TAF13: variants seen among roughly 807,000 people sequenced by gnomAD.
TAF13 encodes the protein TATA-box binding protein associated factor 13, also known as transcription initiation factor TFIID subunit 13.
Under a neutral mutation model 18.7 loss-of-function variants are expected in TAF13, and 9 were observed. The observed-to-expected ratio is 0.48, with a 90% confidence interval of 0.29 to 0.84. The LOEUF (loss-of-function observed/expected upper bound fraction) is 0.84, where lower values mean the gene tolerates loss of function less well. Among genes scored for constraint, TAF13 ranks in the 40% least tolerant of loss-of-function variants. The probability of loss-of-function intolerance (pLI) is 0.08; values close to 1 mark genes in which losing one functional copy is unlikely to be tolerated. For missense variants in TAF13, 105 were observed against 146.5 expected (o/e 0.72, Z 1.46); for synonymous variants, 49 against 44.1 (o/e 1.11, Z -0.44).
In TAF13 at chr1:109,064,710, T is replaced by C. The variant is rs1170242478; in HGVS notation, c.205-17A>G. 3.5e-6 allele frequency: 5 copies of C among 1,422,184 alleles called. No homozygotes were observed. The highest frequency in any genetic ancestry group is 3.4e-5 in the South Asian group (2 of 58,926). 88.1% of individuals were successfully genotyped at this position (1,422,184 alleles called of 1,614,324 possible). ...CTTGTGAGTCTATTACAAAGAAACA[T>C]ATTACATTTAACTTTTTTAAATCTA... is the stretch of plus-strand genomic sequence containing the variant. On this transcript the variant is annotated splice_polypyrimidine_tract_variant and intron_variant, in intron 3 of 3. Coordinates refer to ENST00000338366, the MANE Select transcript of TAF13 (RefSeq NM_005645.4).
chr1:109,065,649 G>A (rs1025577307), intron 3 of TAF13, among the ~76,000 whole-genome samples: 44 of 152,122 alleles, frequency 2.9e-4, no homozygotes, highest in African/African-American at 9.9e-4. Flanking sequence ...GAGGCTGGGC[G>A]CGTTGGCTCA....
At chr1:109,065,003 ATAATTTTG>A (rs1442296698) in intron 3 of TAF13, among the ~76,000 whole-genome samples, 3 of 152,050 alleles carry the variant, frequency 2.0e-5, no homozygotes, top group African/African-American at 4.8e-5. Context: ...AAATAATTTT[ATAATTTTG>A]TGTACCCACC....
chr1:109,072,125 T>C (rs1237251215), intron 2 of TAF13, among the ~76,000 whole-genome samples: 3 of 121,448 alleles, frequency 2.5e-5, no homozygotes, highest in African/African-American at 9.4e-5. Flanking sequence ...TACACACATA[T>C]ATATATATAT....
chr1:109,074,278 C>A (rs967964849), intron 2 of TAF13, among the ~76,000 whole-genome samples: 1 of 152,168 alleles, frequency 6.6e-6, no homozygotes, highest in Admixed American at 6.5e-5. Flanking sequence ...AACCTTACCC[C>A]CAACCCCGTG....
intron 2 of TAF13, among the ~76,000 whole-genome samples, chr1:109,068,642 C>A (rs533099753): frequency 6.6e-6 from 1 of 152,116 alleles, no homozygotes; most frequent in Non-Finnish European, 1.5e-5. Flanking sequence ...GCCACCACAC[C>A]CAGCTGAGAT....
intron 3 of TAF13, among the ~76,000 whole-genome samples, chr1:109,065,149 T>C (rs1260346054): frequency 2.6e-5 from 4 of 152,146 alleles, no homozygotes; most frequent in Non-Finnish European, 5.9e-5. Flanking sequence ...CAAAGACCTA[T>C]CACAGCATTA....
Position 109,065,292 on chromosome 1 carries a change from C to G in TAF13, c.205-599G>C, listed in dbSNP as rs568440579. On this transcript the variant is annotated intron_variant, in intron 3 of 3. Coordinates refer to ENST00000338366, the MANE Select transcript of TAF13 (RefSeq NM_005645.4). ...TTGCTTGAACCCAGCAGTTCAAGAC[C>G]AACCTGGGCAACATAGTGAGACCCT... is the stretch of plus-strand genomic sequence containing the variant. Among the ~76,000 whole-genome samples, 27 of 152,104 alleles carry G rather than the reference C, an allele frequency of 1.8e-4. No homozygotes were observed. The South Asian group carries it at 5.2e-3, about 29-fold the overall frequency.
At chr1:109,071,169 G>A (rs192422271) in intron 2 of TAF13, among the ~76,000 whole-genome samples, 67 of 152,110 alleles carry the variant, frequency 4.4e-4, no homozygotes, top group African/African-American at 1.6e-3. Context: ...GGCCAGGCAC[G>A]GTGGCTCACG....
At chr1:109,065,275 A>G (rs1386462209) in intron 3 of TAF13, among the ~76,000 whole-genome samples, 1 of 152,018 alleles carries the variant, frequency 6.6e-6, no homozygotes, top group East Asian at 1.9e-4. Context: ...GATTGCTTGA[A>G]CCCAGCAGTT....
chr1:109,067,644 C>G (rs1001926963), intron 2 of TAF13, among the ~76,000 whole-genome samples: 18 of 151,916 alleles, frequency 1.2e-4, no homozygotes, highest in African/African-American at 4.1e-4. Flanking sequence ...GACTGTGTCT[C>G]AAAAATAATA....
chr1:109,066,964 G>A (rs951056312), intron 2 of TAF13, among the ~76,000 whole-genome samples: 3 of 151,936 alleles, frequency 2.0e-5, no homozygotes, highest in African/African-American at 4.8e-5. Context: ...GGTGATCTGC[G>A]TGCCTCAGCC....
chr1:109,068,704 T>A (rs28634276), intron 2 of TAF13, among the ~76,000 whole-genome samples: 3 of 151,808 alleles, frequency 2.0e-5, no homozygotes, highest in East Asian at 1.9e-4. Flanking sequence ...AGAGACAAGC[T>A]TTAAGAAGTC....
intron 2 of TAF13, among the ~76,000 whole-genome samples, chr1:109,069,488 C>T (rs1664014036): frequency 1.3e-5 from 2 of 152,074 alleles, no homozygotes; most frequent in South Asian, 4.2e-4. Context: ...TCAATAGAGG[C>T]ACAGTTTTTT....
intron 2 of TAF13, among the ~76,000 whole-genome samples, chr1:109,068,789 G>A (rs1048947638): frequency 3.3e-5 from 5 of 152,154 alleles, no homozygotes; most frequent in African/African-American, 4.8e-5. Flanking sequence ...ATCACCTGAG[G>A]TCGGGAGTTT....
rs137950532 is a variant in TAF13 at position 109,068,123 on chromosome 1, T to G, written c.107-1891A>C. 2.0e-4 allele frequency among the ~76,000 whole-genome samples: 30 copies of G among 152,250 alleles called. No individual in the cohort carries two copies. In the East Asian group the frequency reaches 5.8e-3, roughly 29 times the overall value. Reference sequence around the variant, plus strand: ...AGCTGAGACTACAGACACATGCCACTATGCCTGGCTAATATGTGGGGTTTT... The same window carrying G: ...AGCTGAGACTACAGACACATGCCACGATGCCTGGCTAATATGTGGGGTTTT... On this transcript the variant is annotated intron_variant, in intron 2 of 3. Transcript: ENST00000338366.
intron 2 of TAF13, among the ~76,000 whole-genome samples, chr1:109,069,470 A>G (rs1289354628): frequency 2.0e-5 from 3 of 152,156 alleles, no homozygotes; most frequent in Non-Finnish European, 4.4e-5. Context: ...AAAAAAGTCT[A>G]TACATATTCA....
intron 2 of TAF13, among the ~76,000 whole-genome samples, chr1:109,072,780 CTT>C (rs58964826): frequency 0.21 from 27,530 of 130,464 alleles, 2,978 homozygotes; most frequent in East Asian, 0.37. Flanking sequence ...GATTCACCAC[CTT>C]TTTTTTTTTT....
chr1:109,066,708 T>C (rs1017888956), intron 2 of TAF13, among the ~76,000 whole-genome samples: 10 of 151,576 alleles, frequency 6.6e-5, no homozygotes, highest in African/African-American at 2.4e-4. Context: ...AATACTTTTT[T>C]TGTTTGTTTG....
intron 2 of TAF13, among the ~76,000 whole-genome samples, chr1:109,066,835 TC>T (rs1375817508): frequency 6.6e-6 from 1 of 152,092 alleles, no homozygotes; most frequent in African/African-American, 2.4e-5. Context: ...TTCTCCTGCC[TC>T]AGCCTCCCGA....
Sources: gnomAD v4.1 joint callset for allele counts (sites outside exome capture counted in the v4.1 genomes callset) on GRCh38, gnomAD v4.1.1 for gene constraint, MANE v1.5 for transcripts, NCBI Gene and HGNC (gene_info 2026-07-23, HGNC 2026-07-21) for gene names.